GALNT13: variants seen among roughly 807,000 people sequenced by gnomAD.
GALNT13 encodes the protein polypeptide N-acetylgalactosaminyltransferase 13, also known as UDP-GalNAc:polypeptide N-acetylgalactosaminyltransferase 13.
In GALNT13, 28 loss-of-function variants were observed where a neutral mutation model predicts 64.2. That is an observed-to-expected ratio of 0.44 (90% confidence interval 0.32 to 0.60). The LOEUF (loss-of-function observed/expected upper bound fraction) is 0.60. Among genes scored for constraint, GALNT13 ranks in the 20% least tolerant of loss-of-function variants. The pLI is 0.05. For missense variants in GALNT13, 577 were observed against 669.8 expected (o/e 0.86, Z 1.53); for synonymous variants, 214 against 224.6 (o/e 0.95, Z 0.42).
chr2:153,828,253 G>T, the GALNT13 span, among the ~76,000 whole-genome samples: 1 of 152,192 alleles, frequency 6.6e-6, no homozygotes, highest in Non-Finnish European at 1.5e-5. Flanking sequence ...TGCCCCATAG[G>T]GACTCTGTGT....
At chr2:153,494,944 A>G in the GALNT13 span, among the ~76,000 whole-genome samples, 11 of 152,260 alleles carry the variant, frequency 7.2e-5, no homozygotes, top group East Asian at 2.1e-3. Context: ...GAAAGATGTA[A>G]AAATGTCCAG....
At chr2:153,963,727 C>CTGTGTGTGTG (rs1453388252) in intron 3 of GALNT13, among the ~76,000 whole-genome samples, 12 of 96,670 alleles carry the variant, frequency 1.2e-4, no homozygotes, top group African/African-American at 5.1e-4. Context: ...CTCTCTCTCT[C>CTGTGTGTGTG]TCTCTGTGTG....
At chr2:153,587,506 T>A in the GALNT13 span, among the ~76,000 whole-genome samples, 1 of 152,152 alleles carries the variant, frequency 6.6e-6, no homozygotes, top group East Asian at 1.9e-4. Flanking sequence ...CTTACATGGA[T>A]GGCAGCAGGC....
At chr2:154,144,794 C>G (rs144093709) in intron 4 of GALNT13, among the ~76,000 whole-genome samples, 1 of 151,744 alleles carries the variant, frequency 6.6e-6, no homozygotes, top group African/African-American at 2.4e-5. Context: ...TTGTGAATAA[C>G]CATCAGGACA....
At position 154,206,030 on chromosome 2, in the gene GALNT13, C is replaced by T. The variant is rs182481033; in HGVS notation, c.312-36000C>T. On this transcript the variant is annotated intron_variant, in intron 4 of 12. Coordinates refer to ENST00000392825, the MANE Select transcript of GALNT13 (RefSeq NM_052917.4). ...ATTATTATTTTAAGATAGAGTCTGG[C>T]TCTGTCACCCAGGTGGGAGTGCAGT... is the stretch of plus-strand genomic sequence containing the variant. 3.4e-3 allele frequency among the ~76,000 whole-genome samples: 519 copies of T among 151,994 alleles called. 5 individuals carry two copies. The highest frequency in any genetic ancestry group is 4.9e-3 in the Admixed American group (75 of 15,264).
At chr2:154,101,502 T>C (rs187400975) in intron 3 of GALNT13, among the ~76,000 whole-genome samples, 23 of 152,214 alleles carry the variant, frequency 1.5e-4, no homozygotes, top group African/African-American at 3.6e-4. Context: ...TGCACTGTTA[T>C]TTTTGTCATT....
the GALNT13 span, among the ~76,000 whole-genome samples, chr2:153,784,890 T>C: frequency 6.6e-6 from 1 of 152,068 alleles, no homozygotes; most frequent in Non-Finnish European, 1.5e-5. Flanking sequence ...CATTGTTGCC[T>C]TGGGGCTCTG....
the GALNT13 span, among the ~76,000 whole-genome samples, chr2:153,690,690 T>C: frequency 6.6e-6 from 1 of 152,118 alleles, no homozygotes; most frequent in Admixed American, 6.6e-5. Context: ...GGTGCAGAAA[T>C]CCCATGCAAT....
At chr2:153,744,231 T>C in the GALNT13 span, among the ~76,000 whole-genome samples, 1 of 152,152 alleles carries the variant, frequency 6.6e-6, no homozygotes, top group Non-Finnish European at 1.5e-5. Flanking sequence ...ACTCAATTTT[T>C]AGTTTTTTTG....
chr2:154,236,241 A>G (rs1380406115), intron 4 of GALNT13: 1 of 848,982 alleles, frequency 1.2e-6, no homozygotes, highest in African/African-American at 1.8e-5. Context: ...CATGCATCAT[A>G]TTTTAAAATG....
chr2:154,051,355 A>G lies in GALNT13; in HGVS notation c.143-88982A>G, dbSNP rs545451607. ...CCGGACTGCGGACTGCAGTGGCGCA[A>G]TCTCGGCTCCCTGCAAGCTCCGCTT... On this transcript the variant is annotated intron_variant, in intron 3 of 12. Coordinates refer to ENST00000392825, the MANE Select transcript of GALNT13 (RefSeq NM_052917.4). 4.1e-5 allele frequency among the ~76,000 whole-genome samples: 6 copies of G among 145,538 alleles called. No homozygotes were observed. The East Asian group carries it at 1.0e-3, about 24-fold the overall frequency.
At chr2:153,879,357 C>CGTGTGT (rs4034904) in intron 1 of GALNT13, among the ~76,000 whole-genome samples, 28 of 148,536 alleles carry the variant, frequency 1.9e-4, no homozygotes, top group East Asian at 8.0e-4. Flanking sequence ...AAACTACCTA[C>CGTGTGT]GTGTGTGTGT....
At chr2:153,251,761 A>G in the GALNT13 span, among the ~76,000 whole-genome samples, 1 of 151,366 alleles carries the variant, frequency 6.6e-6, no homozygotes, top group African/African-American at 2.4e-5. Context: ...GAGAGTGATG[A>G]TTTCCAATTT....
At chr2:154,382,987 G>T (rs1421692683) in intron 9 of GALNT13, among the ~76,000 whole-genome samples, 1 of 151,794 alleles carries the variant, frequency 6.6e-6, no homozygotes, top group Non-Finnish European at 1.5e-5. Flanking sequence ...GTACTTTGGG[G>T]TTAGAAAAAT....
At chr2:153,513,772 A>T in the GALNT13 span, among the ~76,000 whole-genome samples, 2 of 152,186 alleles carry the variant, frequency 1.3e-5, no homozygotes, top group African/African-American at 4.8e-5. Context: ...CTGGCAGACA[A>T]ACCCTTCTCA....
At chr2:153,598,242 A>G in the GALNT13 span, among the ~76,000 whole-genome samples, 1 of 152,064 alleles carries the variant, frequency 6.6e-6, no homozygotes, top group African/African-American at 2.4e-5. Context: ...CTCCAGTCCC[A>G]TCTCCTACTA....
At chr2:154,328,504 C>T (rs1694995570) in intron 9 of GALNT13, among the ~76,000 whole-genome samples, 1 of 151,962 alleles carries the variant, frequency 6.6e-6, no homozygotes, top group South Asian at 2.1e-4. Flanking sequence ...CATTATTTTT[C>T]ATGTTTTCTG....
intron 3 of GALNT13, among the ~76,000 whole-genome samples, chr2:154,012,544 G>A (rs1284218454): frequency 1.3e-5 from 2 of 152,016 alleles, no homozygotes; most frequent in African/African-American, 4.8e-5. Context: ...TATGTACCTT[G>A]GGGATGGTTG....
chr2:153,168,763 C>T, the GALNT13 span, among the ~76,000 whole-genome samples: 4 of 152,260 alleles, frequency 2.6e-5, no homozygotes, highest in East Asian at 3.9e-4. Context: ...ATAAACTTAA[C>T]GTACTCTTAT....
Sources: gnomAD v4.1 joint callset for allele counts (sites outside exome capture counted in the v4.1 genomes callset) on GRCh38, gnomAD v4.1.1 for gene constraint, MANE v1.5 for transcripts, NCBI Gene and HGNC (gene_info 2026-07-23, HGNC 2026-07-21) for gene names.